Variants in ZNF562 observed in about 807,000 individuals in gnomAD.
ZNF562 encodes zinc finger protein 562.
ZNF562 carries 13 observed loss-of-function variants against 17.5 expected under a neutral mutation model. The observed-to-expected ratio is 0.74, with a 90% CI of 0.48 to 1.18. ZNF562 has a LOEUF of 1.18. Among genes scored for constraint, ZNF562 ranks in the 50% most tolerant of loss-of-function variants. The pLI, the probability that ZNF562 is intolerant of heterozygous loss-of-function variation, is 0.00. For missense variants in ZNF562, 481 were observed against 498.5 expected (o/e 0.96, Z 0.33); for synonymous variants, 163 against 165.4 (o/e 0.99, Z 0.11).
intron 1 of ZNF562, among the ~76,000 whole-genome samples, chr19:9,661,256 C>T (rs1284973083): frequency 1.3e-5 from 2 of 152,040 alleles, no homozygotes; most frequent in African/African-American, 4.8e-5. Context: ...CTCAAGTGAT[C>T]CTCCCACCTC....
intron 1 of ZNF562, among the ~76,000 whole-genome samples, chr19:9,663,248 C>CAAAAAAAAAAA (rs59452070): frequency 7.7e-6 from 1 of 129,916 alleles, no homozygotes; most frequent in Non-Finnish European, 1.6e-5. Flanking sequence ...ACTAAAAATA[C>CAAAAAAAAAAA]AAAAAAAAAA....
Position 9,652,999 on chromosome 19 carries a change from T to C in ZNF562, c.1231A>G (p.Thr411Ala). The change falls in exon 6 of 6, where the codon ACT (threonine) becomes GCT (alanine). Residue 411 changes from threonine to alanine, a missense_variant. Around this residue, in one of 2 missense-constraint regions of ZNF562, gnomAD observed 78 missense variants for 112.0 expected, o/e 0.70. Coordinates refer to ENST00000453372, the MANE Select transcript of ZNF562 (RefSeq NM_001130031.2). ...AAATGTTTACTACGATGGGAAGAAG[T>C]AATGAAGGTCTTCCCACATTCAACA... ...ECVECGKTFI[T>A]SSHRSKHLKT... 6.5e-7 allele frequency: 1 copy of C among 1,529,798 alleles called. No homozygotes were observed. The highest frequency in any genetic ancestry group is 8.8e-7 in the Non-Finnish European group (1 of 1,140,188). 94.8% of individuals were successfully genotyped at this position (1,529,798 alleles called of 1,614,324 possible).
chr19:9,657,045 AAAAAAAG>A (rs2144980791), intron 4 of ZNF562, among the ~76,000 whole-genome samples: 1 of 150,250 alleles, frequency 6.7e-6, no homozygotes, highest in Admixed American at 6.6e-5. Flanking sequence ...ATCTCAAAAA[AAAAAAAG>A]AAAAAAGAAA....
Position 9,653,404 on chromosome 19 carries a change from A to G in ZNF562, c.826T>C (p.Ser276Pro). 6.2e-7 allele frequency: 1 copy of G among 1,614,240 alleles called. No individual in the cohort carries two copies. Among genetic ancestry groups the G allele is most frequent in the Non-Finnish European group, 8.5e-7 (1 of 1,180,044 alleles). The change falls in exon 6 of 6, where the codon TCT (serine) becomes CCT (proline). Residue 276 changes from serine (S) to proline (P), a missense_variant. By Grantham distance (74) the Ser-to-Pro change is moderately conservative. Around this residue, in one of 2 missense-constraint regions of ZNF562, gnomAD observed 403 missense variants for 386.4 expected, o/e 1.04. Coordinates refer to ENST00000453372, the MANE Select transcript of ZNF562 (RefSeq NM_001130031.2). The stretch of plus-strand genomic sequence containing the variant: ...CCTTTATGAGTTTTTGCATGTGCAG[A>G]AAGTTGAGAAAAATTAGTGAAGGAT... ...GKSFTNFSQL[S>P]AHAKTHKGEK...
At chr19:9,656,467 C>T in intron 5 of ZNF562, 80 bp downstream of exon 5, 1 of 1,478,164 alleles carries the variant, frequency 6.8e-7, no homozygotes, top group Non-Finnish European at 9.4e-7. Context: ...TGAGATGGTG[C>T]CACTGCACTT....
At chr19:9,665,567 A>G (rs574719433) in intron 1 of ZNF562, among the ~76,000 whole-genome samples, 145 of 152,248 alleles carry the variant, frequency 9.5e-4, no homozygotes, top group African/African-American at 3.2e-3. Flanking sequence ...AGCATACTGT[A>G]GGGGTATGCT....
chr19:9,658,045 C>T lies in ZNF562; in HGVS notation c.205G>A (p.Val69Met). 2 of 1,613,488 alleles carry T rather than the reference C, an allele frequency of 1.2e-6. No homozygotes were observed. Among genetic ancestry groups the T allele is most frequent in the Non-Finnish European group, 1.7e-6 (2 of 1,179,656 alleles). ...DTTQKYLYRD[V>M]MLENYMNLAS... is the part of the protein sequence containing the mutation. ...AGGTTCATGTAGTTCTCCAGCATCA[C>T]ATCTCTGTAGAGGTATTTCTGAGTT... Residue 69 changes from valine to methionine, a missense_variant, in exon 4 of 6, where the codon GTG becomes ATG. Physicochemically the swap from Val to Met is conservative, Grantham distance 21. Transcript: ENST00000453372.
intron 2 of ZNF562, among the ~76,000 whole-genome samples, chr19:9,660,487 T>A (rs879538754): frequency 6.6e-6 from 1 of 151,620 alleles, no homozygotes; most frequent in Admixed American, 6.6e-5. Flanking sequence ...TAGCCTGTGG[T>A]CCCAGTGACT....
At chr19:9,663,332 A>G (rs556460223) in intron 1 of ZNF562, among the ~76,000 whole-genome samples, 59 of 150,824 alleles carry the variant, frequency 3.9e-4, no homozygotes, top group Admixed American at 1.6e-3. Flanking sequence ...AATGGCATGA[A>G]CCCAGGAGGT....
intron 1 of ZNF562, among the ~76,000 whole-genome samples, chr19:9,668,727 C>T (rs1411804005): frequency 6.6e-6 from 1 of 152,050 alleles, no homozygotes; most frequent in East Asian, 1.9e-4. Context: ...ACAAAGCTAT[C>T]ATAACCAAAT....
chr19:9,656,900 C>A (rs572701500), intron 4 of ZNF562, among the ~76,000 whole-genome samples: 7 of 142,292 alleles, frequency 4.9e-5, no homozygotes, highest in Non-Finnish European at 1.1e-4. Context: ...ATTAGCCGGG[C>A]GCGTTGGCAT....
chr19:9,670,757 G>A (rs1774395468), intron 1 of ZNF562, among the ~76,000 whole-genome samples: 1 of 152,154 alleles, frequency 6.6e-6, no homozygotes, highest in Admixed American at 6.5e-5. Context: ...AGGAGGCCAA[G>A]GCGGGCAGAT....
intron 1 of ZNF562, among the ~76,000 whole-genome samples, chr19:9,667,434 G>T (rs1188186854): frequency 1.3e-5 from 2 of 152,148 alleles, no homozygotes; most frequent in Non-Finnish European, 2.9e-5. Context: ...AAAATTGAAA[G>T]TCTTTCCTCT....
chr19:9,663,542 C>T (rs1189750805), intron 1 of ZNF562, among the ~76,000 whole-genome samples: 1 of 152,112 alleles, frequency 6.6e-6, no homozygotes, highest in Admixed American at 6.5e-5. Flanking sequence ...TTCCAAAAAT[C>T]ATCACACTGG....
At chr19:9,658,188 T>G in intron 3 of ZNF562, 53 bp from the exon 4 acceptor site, 4 of 1,574,272 alleles carry the variant, frequency 2.5e-6, no homozygotes, top group Non-Finnish European at 3.5e-6. Flanking sequence ...CCACCAATAT[T>G]CACTGGAGAA....
At chr19:9,663,642 C>T (rs1252435028) in intron 1 of ZNF562, among the ~76,000 whole-genome samples, 5 of 151,920 alleles carry the variant, frequency 3.3e-5, no homozygotes, top group African/African-American at 1.2e-4. Context: ...TGCAGTAGCA[C>T]GATTGCCACC....
chr19:9,663,085 G>T (rs189369436), intron 1 of ZNF562, among the ~76,000 whole-genome samples: 1 of 151,408 alleles, frequency 6.6e-6, no homozygotes, highest in East Asian at 2.0e-4. Flanking sequence ...GTAGATAATG[G>T]CCTTATCTCT....
chr19:9,666,192 T>C (rs557536171), intron 1 of ZNF562, among the ~76,000 whole-genome samples: 1 of 151,772 alleles, frequency 6.6e-6, no homozygotes, highest in East Asian at 1.9e-4. Flanking sequence ...GACATGGTGG[T>C]GCATGCCTGT....
Position 9,652,837 on chromosome 19 carries a change from T to C in ZNF562, c.*112A>G, listed in dbSNP as rs2074890380. The stretch of plus-strand genomic sequence containing the variant: ...GAATTCTTTCATGCATACTTAGGCA[T>C]GAGGAAAGAGCAAATGCTTTCCCAA... On this transcript the variant is annotated 3_prime_UTR_variant, in exon 6 of 6. Coordinates refer to ENST00000453372, the MANE Select transcript of ZNF562 (RefSeq NM_001130031.2). The C allele has an allele frequency of 1.0e-6, 1 of 976,834 alleles. No individual in the cohort carries two copies. Among genetic ancestry groups the C allele is most frequent in the South Asian group, 2.4e-5 (1 of 42,276 alleles). 60.5% of individuals were successfully genotyped at this position (976,834 alleles called of 1,614,324 possible). A position where few individuals can be genotyped will look rare whatever the true frequency, so the allele number is the denominator to read the frequency against.
Sources: gnomAD v4.1 joint callset for allele counts (sites outside exome capture counted in the v4.1 genomes callset) on GRCh38, gnomAD v4.1.1 for gene constraint, gnomAD v4.1.1 regional missense constraint, MANE v1.5 for transcripts, NCBI Gene and HGNC (gene_info 2026-07-23, HGNC 2026-07-21) for gene names.